THRB: variants seen among roughly 807,000 people sequenced by gnomAD.
THRB encodes thyroid hormone receptor beta.
A neutral mutation model predicts 47.8 loss-of-function variants in THRB; 12 were observed. That is an observed-to-expected ratio of 0.25 (90% CI 0.16 to 0.41). The LOEUF is 0.41. THRB is among the 10% of genes least tolerant of loss of function. The pLI, the probability that THRB is intolerant of heterozygous loss-of-function variation, is 1.00. For synonymous variants in THRB, 218 were observed against 212.2 expected (o/e 1.03, Z -0.24); for missense variants, 348 against 589.2 (o/e 0.59, Z 4.24).
intron 5 of THRB, among the ~76,000 whole-genome samples, chr3:24,158,740 TTTC>T (rs773242164): frequency 1.3e-5 from 2 of 152,212 alleles, no homozygotes; most frequent in Non-Finnish European, 2.9e-5. Flanking sequence ...TGAGAACATA[TTTC>T]TTCATGGAAG....
intron 10 of THRB, among the ~76,000 whole-genome samples, chr3:24,125,503 T>C (rs1313492443): frequency 6.6e-6 from 1 of 152,222 alleles, no homozygotes; most frequent in East Asian, 1.9e-4. Flanking sequence ...AATTCCCGTG[T>C]ATGTAGCTTA....
rs752640335 is a variant in THRB at position 24,190,308 on chromosome 3, G to C, written c.49C>G (p.Pro17Ala). The change falls in exon 5 of 11, where the codon CCG becomes GCG. Residue 17 changes from proline to alanine, a missense_variant. Pro to Ala is a conservative substitution (Grantham distance 27). Transcript: ENST00000646209. ...TENGLTAWDK[P>A]KHCPDREHDW... ...TGTTCTCGGTCTGGACAGTGCTTCG[G>C]TTTGTCCCAGGCTGTAAGGCCATTT... 6.2e-7 allele frequency: 1 copy of C among 1,614,074 alleles called. No homozygotes were observed. Among genetic ancestry groups the C allele is most frequent in the Non-Finnish European group, 8.5e-7 (1 of 1,179,940 alleles).
At chr3:24,395,500 C>T (rs967607524) in intron 1 of THRB, among the ~76,000 whole-genome samples, 2 of 151,922 alleles carry the variant, frequency 1.3e-5, no homozygotes, top group African/African-American at 4.8e-5. Flanking sequence ...AACAAGTGGG[C>T]AAAAAGCACA....
At chr3:24,403,801 G>T (rs1022562925) in intron 1 of THRB, among the ~76,000 whole-genome samples, 2 of 152,018 alleles carry the variant, frequency 1.3e-5, no homozygotes, top group African/African-American at 4.8e-5. Flanking sequence ...TTTGAGGGTT[G>T]TCTTGAGGAA....
chr3:24,272,244 GC>G (rs2053414421), intron 3 of THRB, among the ~76,000 whole-genome samples: 1 of 151,992 alleles, frequency 6.6e-6, no homozygotes, highest in Non-Finnish European at 1.5e-5. Context: ...TGCTCTCAAG[GC>G]TGAGGTGGGA....
At chr3:24,469,291 C>T (rs3925493) in intron 1 of THRB, among the ~76,000 whole-genome samples, 60,732 of 152,052 alleles carry the variant, frequency 0.4, 12,345 homozygotes, top group South Asian at 0.5. Context: ...ATTTCTAGCA[C>T]ATAATGAGCT....
rs1682163195 is a variant in THRB, at chr3:24,272,365, C to CAACAACAA, written c.-43+24853_-43+24860dup. On this transcript the variant is annotated intron_variant, in intron 3 of 10. Transcript: ENST00000646209. The stretch of plus-strand genomic sequence containing the variant: ...TCTCTCAAAACAACAACAACAACAA[C>CAACAACAA]AACAACAAACAAAAACAAACAAACA... Among the ~76,000 whole-genome samples, 3 of 151,464 alleles carry CAACAACAA rather than the reference C, an allele frequency of 2.0e-5. No individual in the cohort carries two copies. The South Asian group carries it at 6.3e-4, about 32-fold the overall frequency.
At chr3:24,379,439 G>A (rs1474135080) in intron 1 of THRB, among the ~76,000 whole-genome samples, 1 of 152,068 alleles carries the variant, frequency 6.6e-6, no homozygotes, top group African/African-American at 2.4e-5. Flanking sequence ...CATGTCTCAA[G>A]CCAAGAGAAA....
chr3:24,252,812 A>G (rs566254520), intron 3 of THRB, among the ~76,000 whole-genome samples: 2 of 152,276 alleles, frequency 1.3e-5, no homozygotes, highest in Admixed American at 1.3e-4. Context: ...AGTGCATAGC[A>G]GTGTACACGG....
chr3:24,241,316 G>A (rs2049475755), intron 3 of THRB, among the ~76,000 whole-genome samples: 1 of 152,164 alleles, frequency 6.6e-6, no homozygotes, highest in South Asian at 2.1e-4. Context: ...GCCCAATAAT[G>A]CGTACTTAGA....
At chr3:24,217,401 T>C (rs921331414) in intron 4 of THRB, among the ~76,000 whole-genome samples, 1 of 152,158 alleles carries the variant, frequency 6.6e-6, no homozygotes, top group Non-Finnish European at 1.5e-5. Context: ...ATCCTGCTCA[T>C]TGAAAACATC....
intron 1 of THRB, among the ~76,000 whole-genome samples, chr3:24,429,342 T>C (rs1042153629): frequency 1.3e-5 from 2 of 151,420 alleles, no homozygotes; most frequent in South Asian, 2.1e-4. Context: ...ATGTAAGTTA[T>C]ATGCATATAT....
At chr3:24,286,268 T>G (rs2055286414) in intron 3 of THRB, among the ~76,000 whole-genome samples, 1 of 152,224 alleles carries the variant, frequency 6.6e-6, no homozygotes, top group Non-Finnish European at 1.5e-5. Context: ...TTTAGAAGCC[T>G]GTATTGGCAA....
intron 3 of THRB, among the ~76,000 whole-genome samples, chr3:24,233,572 A>G (rs887792640): frequency 5.8e-5 from 3 of 51,704 alleles, no homozygotes; most frequent in Non-Finnish European, 1.2e-4. Context: ...AGAAAGAAAG[A>G]AAGAAAGAAA....
rs374464952 is a variant in THRB, at chr3:24,188,544, T to C, written c.283+1530A>G. Among the ~76,000 whole-genome samples the C allele has an allele frequency of 7.2e-5, 11 of 152,238 alleles. No individual in the cohort carries two copies. In the East Asian group the frequency reaches 1.7e-3, roughly 24 times the overall value. ...TAGATGGACTCTATGAATGAATAAA[T>C]GAATGAATATTGGTATCAATTGTGA... is the stretch of plus-strand genomic sequence containing the variant. On this transcript the variant is annotated intron_variant, in intron 5 of 10. Transcript: ENST00000646209.
chr3:24,197,458 T>C (rs1311250070), intron 4 of THRB, among the ~76,000 whole-genome samples: 9 of 152,224 alleles, frequency 5.9e-5, no homozygotes, highest in Admixed American at 5.9e-4. Flanking sequence ...TATTTGTCTA[T>C]GTCTCTTCTA....
At chr3:24,446,729 T>A (rs768289283) in intron 1 of THRB, among the ~76,000 whole-genome samples, 17 of 152,156 alleles carry the variant, frequency 1.1e-4, no homozygotes, top group African/African-American at 4.1e-4. Context: ...CTTTGTGGGG[T>A]GCTCTCTATG....
chr3:24,395,269 TGAC>T (rs1234650386), intron 1 of THRB, among the ~76,000 whole-genome samples: 3 of 152,060 alleles, frequency 2.0e-5, no homozygotes, highest in Admixed American at 6.6e-5. Flanking sequence ...ATATAAAATT[TGAC>T]TTCTTCAAAA....
intron 4 of THRB, among the ~76,000 whole-genome samples, chr3:24,202,329 G>C (rs577445459): frequency 2.0e-5 from 3 of 152,150 alleles, no homozygotes; most frequent in South Asian, 4.2e-4. Context: ...TCTCAATGCT[G>C]TTTCAAATTC....
Sources: allele counts gnomAD v4.1 joint callset (sites outside exome capture counted in the v4.1 genomes callset), GRCh38; gene constraint gnomAD v4.1.1; transcripts MANE v1.5; gene names NCBI Gene and HGNC (gene_info 2026-07-23, HGNC 2026-07-21).